The following ZYG11B variants were observed in gnomAD, a reference collection of about 807,000 sequenced individuals.
The protein encoded by ZYG11B is zyg-11 family member B, cell cycle regulator, also known as protein zyg-11 homolog B.
A neutral mutation model predicts 82.4 loss-of-function variants in ZYG11B; 36 were observed. The observed-to-expected ratio is 0.44, with a 90% confidence interval of 0.33 to 0.58. The LOEUF is 0.58. ZYG11B is among the 20% of genes least tolerant of loss of function. The pLI, the probability that ZYG11B is intolerant of heterozygous loss-of-function variation, is 0.02. For synonymous variants in ZYG11B, 303 were observed against 312.8 expected (o/e 0.97, Z 0.33); for missense variants, 552 against 895.6 (o/e 0.62, Z 4.90).
chr1:52,729,325 A>AATG (rs10643500), intron 1 of ZYG11B, among the ~76,000 whole-genome samples: 95,199 of 151,732 alleles, frequency 0.63, 31,857 homozygotes, highest in East Asian at 0.97. Context: ...GGGAGACAGA[A>AATG]TTCAGACCAC....
At chr1:52,779,212 T>C (rs918805820) in intron 3 of ZYG11B, among the ~76,000 whole-genome samples, 13 of 152,148 alleles carry the variant, frequency 8.5e-5, no homozygotes, top group Admixed American at 8.5e-4. Context: ...CATACAGTTA[T>C]AACATTGTGA....
intron 5 of ZYG11B, among the ~76,000 whole-genome samples, chr1:52,786,634 C>A (rs1644914970): frequency 6.6e-6 from 1 of 151,988 alleles, no homozygotes; most frequent in Admixed American, 6.6e-5. Context: ...TCTGTGGTCC[C>A]AACTACTCAG....
At chr1:52,770,675 T>G (rs975225677) in intron 2 of ZYG11B, among the ~76,000 whole-genome samples, 1 of 152,186 alleles carries the variant, frequency 6.6e-6, no homozygotes, top group African/African-American at 2.4e-5. Flanking sequence ...CTTCAACATA[T>G]AGTGCATTGG....
In ZYG11B at chr1:52,783,840, ATG is replaced by A. The variant is rs1558132608; in HGVS notation, c.1093-1035_1093-1034del. On this transcript the variant is annotated intron_variant, in intron 4 of 13. Coordinates refer to ENST00000294353, the MANE Select transcript of ZYG11B (RefSeq NM_024646.3). ...CGTATATGTATACATACGTGTGTATATGTACATACACGTGTGTGTGTATGTAC... is the reference window on the plus strand; with the variant it reads ...CGTATATGTATACATACGTGTGTATATACATACACGTGTGTGTGTATGTAC... Among the ~76,000 whole-genome samples the A allele has an allele frequency of 3.3e-4, 49 of 146,632 alleles. 2 individuals are homozygous for A. The highest frequency in any genetic ancestry group is 1.1e-3 in the African/African-American group (43 of 37,470).
At chr1:52,735,280 C>G (rs12032324) in intron 1 of ZYG11B, among the ~76,000 whole-genome samples, 2 of 151,486 alleles carry the variant, frequency 1.3e-5, no homozygotes, top group Non-Finnish European at 2.9e-5. Context: ...CCGCCTGCCT[C>G]GGCCTCCCAG....
At chr1:52,820,419 G>A (rs1259271467) in intron 13 of ZYG11B, among the ~76,000 whole-genome samples, 1 of 151,848 alleles carries the variant, frequency 6.6e-6, no homozygotes, top group Non-Finnish European at 1.5e-5. Flanking sequence ...GGCTGAGGCA[G>A]GCAGATCACT....
chr1:52,792,199 GGTGGATATTTA>G (rs1644965159), intron 6 of ZYG11B, among the ~76,000 whole-genome samples: 1 of 151,948 alleles, frequency 6.6e-6, no homozygotes, highest in South Asian at 2.1e-4. Context: ...CTAGTGCTTG[GGTGGATATTTA>G]GTGGATTGAT....
At chr1:52,810,157 T>C (rs368348808) in intron 10 of ZYG11B, among the ~76,000 whole-genome samples, 2 of 152,298 alleles carry the variant, frequency 1.3e-5, no homozygotes, top group East Asian at 3.9e-4. Context: ...CTATGGCTAA[T>C]TATTCTCTGC....
At chr1:52,748,712 A>C (rs1467725687) in intron 1 of ZYG11B, among the ~76,000 whole-genome samples, 1 of 152,062 alleles carries the variant, frequency 6.6e-6, no homozygotes, top group Non-Finnish European at 1.5e-5. Flanking sequence ...AAAATCTAAA[A>C]ATTAGCTGGG....
intron 13 of ZYG11B, among the ~76,000 whole-genome samples, chr1:52,818,926 T>C (rs2149968455): frequency 6.6e-6 from 1 of 151,738 alleles, no homozygotes; most frequent in African/African-American, 2.4e-5. Flanking sequence ...CCCGAGTAAC[T>C]GGGACTACAG....
At chr1:52,775,646 G>A (rs762425276) in intron 3 of ZYG11B, among the ~76,000 whole-genome samples, 18 of 151,982 alleles carry the variant, frequency 1.2e-4, no homozygotes, top group Non-Finnish European at 1.8e-4. Flanking sequence ...AGCCAGCATT[G>A]TGGCACTGCA....
At chr1:52,776,032 A>T (rs1362202986) in intron 3 of ZYG11B, among the ~76,000 whole-genome samples, 3 of 149,752 alleles carry the variant, frequency 2.0e-5, no homozygotes, top group Non-Finnish European at 4.5e-5. Flanking sequence ...CCTGACGAAC[A>T]TGGAGAAACC....
intron 1 of ZYG11B, among the ~76,000 whole-genome samples, chr1:52,727,911 C>G (rs753988993): frequency 5.9e-5 from 9 of 152,090 alleles, no homozygotes; most frequent in Non-Finnish European, 1.2e-4. Context: ...TAATTATGTT[C>G]CCCTAGGAGG....
chr1:52,759,116 G>T (rs977446158), intron 2 of ZYG11B, among the ~76,000 whole-genome samples: 1 of 152,058 alleles, frequency 6.6e-6, no homozygotes, highest in African/African-American at 2.4e-5. Flanking sequence ...ATTTTTAGTA[G>T]AGACGGGGTT....
intron 1 of ZYG11B, among the ~76,000 whole-genome samples, chr1:52,729,586 T>G (rs764387235): frequency 7.2e-5 from 11 of 152,214 alleles, no homozygotes; most frequent in Non-Finnish European, 1.2e-4. Context: ...ATTTGTTAAA[T>G]GTTAATTAGG....
chr1:52,751,983 A>G (rs920388471), intron 1 of ZYG11B, among the ~76,000 whole-genome samples: 4 of 151,224 alleles, frequency 2.6e-5, no homozygotes, highest in African/African-American at 9.7e-5. Flanking sequence ...TTTTCCCTAT[A>G]CGGAGCAATT....
chr1:52,803,227 C>T (rs1270783420), intron 10 of ZYG11B, among the ~76,000 whole-genome samples: 1 of 68,958 alleles, frequency 1.5e-5, no homozygotes, highest in Non-Finnish European at 2.3e-5. Flanking sequence ...TATATATACA[C>T]ACATATATAT....
chr1:52,772,696 G>A, intron 3 of ZYG11B: 1 of 707,736 alleles, frequency 1.4e-6, no homozygotes, highest in Non-Finnish European at 2.6e-6. Context: ...TTTTTCTTTT[G>A]AGACGGAGTC....
intron 3 of ZYG11B, among the ~76,000 whole-genome samples, chr1:52,776,229 A>AATTATATATATATATATATATATAT (rs1644807463): frequency 4.2e-5 from 1 of 23,536 alleles, no homozygotes; most frequent in Non-Finnish European, 1.2e-4. Context: ...TAAAAAAAAA[A>AATTATATATATATATATATATATAT]ATATATATAT....
Sources: allele counts gnomAD v4.1 joint callset (sites outside exome capture counted in the v4.1 genomes callset), GRCh38; gene constraint gnomAD v4.1.1; transcripts MANE v1.5; gene names NCBI Gene and HGNC (gene_info 2026-07-23, HGNC 2026-07-21).